Variants in IFT122 observed in about 807,000 individuals in gnomAD.
IFT122 encodes intraflagellar transport 122.
A neutral mutation model predicts 161.6 loss-of-function variants in IFT122; 118 were observed. That is an observed-to-expected ratio of 0.73 (90% CI 0.63 to 0.85). The LOEUF (loss-of-function observed/expected upper bound fraction) is 0.85. Ranked by LOEUF, IFT122 falls within the 40% of genes least tolerant of loss-of-function variation. IFT122 has a pLI of 0.00. For synonymous variants in IFT122, 550 were observed against 602.4 expected (o/e 0.91, Z 1.27); for missense variants, 1,381 against 1,579.6 (o/e 0.87, Z 2.13).
chr3:129,502,603 T>C (rs2081702858), intron 19 of IFT122, 108 bp from the exon 20 acceptor site: 2 of 1,270,956 alleles, frequency 1.6e-6, no homozygotes, highest in African/African-American at 1.5e-5. Context: ...GCAACTCCCA[T>C]GGGCCATGGC....
rs764222986 is a variant in IFT122 at position 129,515,514 on chromosome 3, C to T, written c.3180C>T (p.Cys1060=). ...SEELVPLCYR[C]STNNPLLNNL... is the part of the protein sequence containing the mutation. ...AGTTGGTGCCCTTGTGCTACCGCTG[C>T]TCCACCAACAACCCGCTGCTCAACA... Residue 1060 remains cysteine, a synonymous_variant, in exon 26 of 30, where the codon TGC becomes TGT. Transcript: ENST00000348417. 3 of 1,554,382 alleles carry T rather than the reference C, an allele frequency of 1.9e-6. No homozygotes were observed. Among genetic ancestry groups the T allele is most frequent in the South Asian group, 1.1e-5 (1 of 89,330 alleles).
intron 22 of IFT122, among the ~76,000 whole-genome samples, chr3:129,507,134 G>A (rs964791618): frequency 6.6e-6 from 1 of 152,166 alleles, no homozygotes; most frequent in Admixed American, 6.5e-5. Context: ...CATCTGTCCT[G>A]TGGGAGTCCC....
chr3:129,464,398 G>A (rs2076496371), intron 6 of IFT122, among the ~76,000 whole-genome samples: 1 of 152,176 alleles, frequency 6.6e-6, no homozygotes, highest in Non-Finnish European at 1.5e-5. Context: ...GAGGGCTGGG[G>A]GAGCTCAGAA....
chr3:129,444,539 T>C (rs2073730863), intron 1 of IFT122, among the ~76,000 whole-genome samples: 1 of 152,198 alleles, frequency 6.6e-6, no homozygotes, highest in Admixed American at 6.5e-5. Flanking sequence ...TTTTTTTTTT[T>C]TGAGACAGAG....
intron 9 of IFT122, among the ~76,000 whole-genome samples, chr3:129,471,905 C>T (rs1388555375): frequency 6.6e-6 from 1 of 152,116 alleles, no homozygotes; most frequent in African/African-American, 2.4e-5. Flanking sequence ...TATATAAACT[C>T]TTTACAAGGA....
chr3:129,442,742 T>TAGA (rs2073411644), intron 1 of IFT122, among the ~76,000 whole-genome samples: 1 of 152,228 alleles, frequency 6.6e-6, no homozygotes, highest in South Asian at 2.1e-4. Context: ...TGTGATCCTG[T>TAGA]TACTCTACTT....
intron 16 of IFT122, among the ~76,000 whole-genome samples, chr3:129,489,118 A>G (rs958039636): frequency 6.6e-6 from 1 of 152,108 alleles, no homozygotes; most frequent in Non-Finnish European, 1.5e-5. Context: ...ATCTCCCCAC[A>G]GTCAATTAAT....
At chr3:129,519,783 C>G (rs774992130) in intron 29 of IFT122, 51 bp downstream of exon 29, 3 of 1,606,854 alleles carry the variant, frequency 1.9e-6, no homozygotes, top group South Asian at 1.1e-5. Flanking sequence ...CCACTTTTCC[C>G]TTGCCCAAAT....
At chr3:129,451,595 G>C (rs1359435959) in intron 2 of IFT122, among the ~76,000 whole-genome samples, 1 of 152,148 alleles carries the variant, frequency 6.6e-6, no homozygotes, top group Non-Finnish European at 1.5e-5. Context: ...ATTTAGGAGG[G>C]CCTGCCTTGA....
rs1467096683 is a variant in IFT122, at chr3:129,507,519, C to T, written c.2792-149C>T. On this transcript the variant is annotated intron_variant, in intron 22 of 29. Transcript: ENST00000348417. ...AAGCAGAGTGGCTTTCCCCTCACTA[C>T]ACTTTGTCCCTCACCCTGGCACAGA... 1.8e-5 allele frequency: 13 copies of T among 731,842 alleles called. No homozygotes were observed. In the East Asian group the frequency reaches 3.1e-4, roughly 18 times the overall value. The allele number at this position is 731,842 out of a possible 1,614,324, so 45.3% of individuals were successfully genotyped here. A position where few individuals can be genotyped will look rare whatever the true frequency, so the allele number is the denominator to read the frequency against.
Position 129,506,310 on chromosome 3 carries a change from C to T in IFT122, c.2651-99C>T, listed in dbSNP as rs913104261. 4.9e-6 allele frequency: 7 copies of T among 1,431,592 alleles called. No individual in the cohort carries two copies. The African/African-American group carries it at 8.4e-5, about 17-fold the overall frequency. The allele number at this position is 1,431,592 out of a possible 1,614,324, so 88.7% of individuals were successfully genotyped here. On this transcript the variant is annotated intron_variant, in intron 21 of 29. Transcript: ENST00000348417. ...AGATGCTCCAATGAGTGTCCTACTT[C>T]CAAAGCAGCCCTGTGCAAGCCCCAC...
rs778330356 is a variant in IFT122, at chr3:129,479,791, C to T, written c.1357C>T (p.Arg453Trp). ...AGCTGGGTTTGCTTCCTAGGAGAAA[C>T]GGCTGCAGTGCCTGTCCTTCAGCGG... ...ANHIILCQEK[R>W]LQCLSFSGVK... Residue 453 changes from arginine to tryptophan, a missense_variant, in exon 13 of 30, where the codon CGG (arginine) becomes TGG (tryptophan). Physicochemically the swap from Arg to Trp is moderately radical, Grantham distance 101. Coordinates refer to ENST00000348417, the MANE Select transcript of IFT122 (RefSeq NM_052989.3). 2.6e-5 allele frequency: 42 copies of T among 1,613,798 alleles called. No individual in the cohort carries two copies. Among genetic ancestry groups the T allele is most frequent in the Middle Eastern group, 1.7e-4 (1 of 5,940 alleles).
chr3:129,449,746 G>C (rs2074520746), intron 1 of IFT122, 125 bp from the exon 2 acceptor site: 29 of 755,978 alleles, frequency 3.8e-5, no homozygotes, highest in South Asian at 3.4e-4. Flanking sequence ...GCAATTCGTA[G>C]TTATTCTTTT....
intron 6 of IFT122, among the ~76,000 whole-genome samples, 186 bp from the exon 7 acceptor site, chr3:129,464,449 C>T (rs1451937411): frequency 6.6e-6 from 1 of 152,222 alleles, no homozygotes; most frequent in Admixed American, 6.5e-5. Flanking sequence ...CTGTTTATTA[C>T]AGAACTAAAT....
chr3:129,502,152 A>C (rs530212290), intron 19 of IFT122, among the ~76,000 whole-genome samples: 1 of 152,312 alleles, frequency 6.6e-6, no homozygotes, highest in East Asian at 1.9e-4. Context: ...GACTTCCTGC[A>C]GGCCTTTGTC....
Position 129,514,467 on chromosome 3 carries a change from G to A in IFT122, c.3066G>A (p.Leu1022=). Residue 1022 remains leucine, a synonymous_variant, in exon 25 of 30, where the codon CTG becomes CTA. Coordinates refer to ENST00000348417, the MANE Select transcript of IFT122 (RefSeq NM_052989.3). ...TGGCCCGGCACGCCTATGACAAGCT[G>A]CGTGGCCTGTACATCCCTGCCAGAT... ...YRLARHAYDK[L]RGLYIPARFQ... The A allele has an allele frequency of 6.2e-7, 1 of 1,614,204 alleles. No homozygotes were observed. Among genetic ancestry groups the A allele is most frequent in the Non-Finnish European group, 8.5e-7 (1 of 1,180,032 alleles).
chr3:129,447,108 A>G (rs1215546266), intron 1 of IFT122, among the ~76,000 whole-genome samples: 1 of 152,146 alleles, frequency 6.6e-6, no homozygotes, highest in Non-Finnish European at 1.5e-5. Context: ...AAATTAAATT[A>G]TTTTGATTAC....
intron 2 of IFT122, 143 bp downstream of exon 2, chr3:129,450,080 T>G (rs527336578): frequency 8.5e-5 from 58 of 683,210 alleles, no homozygotes; most frequent in Non-Finnish European, 1.4e-4. Context: ...TTAATAGGGA[T>G]GGAAATGGGC....
intron 15 of IFT122, among the ~76,000 whole-genome samples, chr3:129,484,399 A>G (rs1287000278): frequency 6.6e-6 from 1 of 152,180 alleles, no homozygotes; most frequent in Non-Finnish European, 1.5e-5. Context: ...ACTCTTAAAC[A>G]TGTTGAAATA....
Sources: gnomAD v4.1 joint callset for allele counts (sites outside exome capture counted in the v4.1 genomes callset) on GRCh38, gnomAD v4.1.1 for gene constraint, MANE v1.5 for transcripts, NCBI Gene and HGNC (gene_info 2026-07-23, HGNC 2026-07-21) for gene names.